The following CRISP2 variants were observed in gnomAD, a reference collection of about 807,000 sequenced individuals.
CRISP2 encodes the protein cysteine rich secretory protein 2.
Under a neutral mutation model 31.7 loss-of-function variants are expected in CRISP2, and 29 were observed. The observed-to-expected ratio is 0.92, with a 90% CI of 0.68 to 1.25. The LOEUF (loss-of-function observed/expected upper bound fraction) is 1.25, where lower values mean the gene tolerates loss of function less well. CRISP2 is among the 50% of genes most tolerant of loss of function. The probability of loss-of-function intolerance (pLI) is 0.00; values close to 1 mark genes in which losing one functional copy is unlikely to be tolerated. For missense variants in CRISP2, 318 were observed against 286.5 expected (o/e 1.11, Z -0.79); for synonymous variants, 111 against 101.4 (o/e 1.09, Z -0.57).
chr6:49,713,538 A>T lies in CRISP2; in HGVS notation c.-214T>A, dbSNP rs1330365702. ...GGGCCGGCGCGTTGCGGCGTTGAGG[A>T]GCTGCGGCGCGCCCCTCTCACCGCG... On this transcript the variant is annotated 5_prime_UTR_variant, in exon 1 of 10. Coordinates refer to ENST00000339139, the MANE Select transcript of CRISP2 (RefSeq NM_003296.4). The T allele has an allele frequency of 6.6e-6, 1 of 152,148 alleles. No individual in the cohort carries two copies. 9.4% of individuals were successfully genotyped at this position (152,148 alleles called of 1,614,324 possible).
intron 4 of CRISP2, among the ~76,000 whole-genome samples, chr6:49,701,823 T>A (rs1420465725): frequency 4.0e-5 from 4 of 99,954 alleles, no homozygotes; most frequent in African/African-American, 1.6e-4. Context: ...ACATATATAA[T>A]GTATACATTA....
downstream of CRISP2, among the ~76,000 whole-genome samples, chr6:49,692,077 G>A (rs181209255): frequency 2.4e-4 from 37 of 151,860 alleles, no homozygotes; most frequent in African/African-American, 8.2e-4. Flanking sequence ...TCCTCTTTTC[G>A]TTGGCTTTAA....
intron 4 of CRISP2, among the ~76,000 whole-genome samples, chr6:49,705,172 G>A (rs994209189): frequency 2.0e-5 from 3 of 152,044 alleles, no homozygotes; most frequent in Non-Finnish European, 4.4e-5. Flanking sequence ...TCTCCTTGGT[G>A]GGGGCTTACT....
the CRISP2 span, among the ~76,000 whole-genome samples, chr6:49,686,437 T>G: frequency 3.3e-5 from 5 of 152,204 alleles, no homozygotes; most frequent in African/African-American, 1.2e-4. Context: ...TGCAACTTTG[T>G]TAGATATTGC....
intron 6 of CRISP2, among the ~76,000 whole-genome samples, chr6:49,699,258 A>T (rs930692061): frequency 3.3e-5 from 5 of 151,958 alleles, no homozygotes; most frequent in Admixed American, 2.6e-4. Flanking sequence ...ATTCAAAAAT[A>T]TTCATTTTTA....
intron 4 of CRISP2, among the ~76,000 whole-genome samples, chr6:49,701,508 A>C (rs1197370352): frequency 7.9e-6 from 1 of 126,098 alleles, no homozygotes; most frequent in African/African-American, 3.3e-5. Flanking sequence ...GTGTATATAT[A>C]TATATATATA....
intron 4 of CRISP2, among the ~76,000 whole-genome samples, chr6:49,702,179 A>G (rs1367976624): frequency 1.7e-5 from 2 of 119,202 alleles, no homozygotes; most frequent in Non-Finnish European, 3.3e-5. Flanking sequence ...ATATATATAT[A>G]TATAACATTT....
chr6:49,708,795 G>C (rs1767500700), intron 4 of CRISP2, among the ~76,000 whole-genome samples: 1 of 152,198 alleles, frequency 6.6e-6, no homozygotes, highest in African/African-American at 2.4e-5. Flanking sequence ...TTTCATCATG[G>C]ATGCAATATT....
rs866144300 is a variant in CRISP2, at chr6:49,709,202, G to A, written c.-6C>T. The A allele has an allele frequency of 6.2e-7, 1 of 1,613,136 alleles. No homozygotes were observed. The highest frequency in any genetic ancestry group is 8.5e-7 in the Non-Finnish European group (1 of 1,179,736). On this transcript the variant is annotated 5_prime_UTR_variant, in exon 4 of 10. Transcript: ENST00000339139. The stretch of plus-strand genomic sequence containing the variant: ...AACACCGGTAGTAAAGCCATTGCTG[G>A]AAACTAAGTCAAGAAAAACAAAGGT...
intron 6 of CRISP2, among the ~76,000 whole-genome samples, chr6:49,699,094 C>G (rs989231547): frequency 3.0e-4 from 45 of 152,032 alleles, no homozygotes; most frequent in African/African-American, 9.4e-4. Flanking sequence ...GCCTTACAGC[C>G]CAGAAACACT....
the CRISP2 span, among the ~76,000 whole-genome samples, chr6:49,683,002 A>G: frequency 2.0e-5 from 3 of 151,776 alleles, no homozygotes; most frequent in South Asian, 6.2e-4. Context: ...CTATTAAAAA[A>G]CAAAAATTAG....
chr6:49,679,073 T>C, the CRISP2 span, among the ~76,000 whole-genome samples: 1 of 152,204 alleles, frequency 6.6e-6, no homozygotes, highest in African/African-American at 2.4e-5. Context: ...CACAATGCAC[T>C]TTAGAATGAG....
intron 2 of CRISP2, among the ~76,000 whole-genome samples, chr6:49,712,176 T>G (rs780993206): frequency 1.3e-5 from 2 of 152,196 alleles, no homozygotes; most frequent in African/African-American, 2.4e-5. Context: ...GGCTGTTGTA[T>G]CCTCATCAGC....
chr6:49,710,414 C>A (rs1767807558), intron 3 of CRISP2, among the ~76,000 whole-genome samples: 3 of 152,116 alleles, frequency 2.0e-5, no homozygotes, highest in Admixed American at 1.3e-4. Context: ...CCAATTATGA[C>A]TTCGAAGTCA....
In CRISP2 at chr6:49,699,813, G is replaced by T; in HGVS notation, c.262C>A (p.Arg88Ser). 6.2e-7 allele frequency: 1 copy of T among 1,608,636 alleles called. No individual in the cohort carries two copies. Among genetic ancestry groups the T allele is most frequent in the African/African-American group, 1.3e-5 (1 of 74,776 alleles). Reference sequence around the variant, plus strand: ...TTACTAATTTACATACTGGTTTTGCGGTCCTCTGGATCACTATGTTGTAAA... The same window carrying T: ...TTACTAATTTACATACTGGTTTTGCTGTCCTCTGGATCACTATGTTGTAAA... Reference protein sequence around the residue: ...CTLQHSDPEDRKTSTRCGENL... With the variant: ...CTLQHSDPEDSKTSTRCGENL... Residue 88 changes from arginine to serine, a missense_variant, in exon 6 of 10, where the codon CGC becomes AGC. Arg to Ser is a moderately radical substitution (Grantham distance 110). Transcript: ENST00000339139.
intron 8 of CRISP2, chr6:49,697,549 T>C: frequency 2.3e-6 from 1 of 432,814 alleles, no homozygotes; most frequent in Non-Finnish European, 4.2e-6. Context: ...TAGCAAGATG[T>C]GATGATACCA....
chr6:49,685,767 T>A, the CRISP2 span, among the ~76,000 whole-genome samples: 5 of 152,216 alleles, frequency 3.3e-5, no homozygotes, highest in Non-Finnish European at 7.3e-5. Context: ...CCCCCACTTT[T>A]TATTGTGATT....
At chr6:49,701,498 GTGTA>G (rs201191007) in intron 4 of CRISP2, among the ~76,000 whole-genome samples, 20,922 of 61,198 alleles carry the variant, frequency 0.34, 3,535 homozygotes, top group East Asian at 0.52. Context: ...GTGTGTGTGT[GTGTA>G]TATATATATA....
chr6:49,682,623 CT>C, the CRISP2 span, among the ~76,000 whole-genome samples: 4,854 of 74,628 alleles, frequency 0.065, 112 homozygotes, highest in African/African-American at 0.16. Context: ...TTCTTTCTTT[CT>C]TTCTTTCTTT....
Sources: gnomAD v4.1 joint callset for allele counts (sites outside exome capture counted in the v4.1 genomes callset) on GRCh38, gnomAD v4.1.1 for gene constraint, MANE v1.5 for transcripts, NCBI Gene and HGNC (gene_info 2026-07-23, HGNC 2026-07-21) for gene names.